The following FHAD1 variants were observed in gnomAD, a reference collection of about 807,000 sequenced individuals.
FHAD1 encodes the protein forkhead associated phosphopeptide binding domain 1.
A neutral mutation model predicts 191.3 loss-of-function variants in FHAD1; 146 were observed. The ratio of observed to expected loss-of-function variants is 0.76; its 90% CI spans 0.67 to 0.88. The LOEUF (loss-of-function observed/expected upper bound fraction) is 0.88. Ranked by LOEUF, FHAD1 falls within the 40% of genes least tolerant of loss-of-function variation. The pLI, the probability that FHAD1 is intolerant of heterozygous loss-of-function variation, is 0.00. For synonymous variants in FHAD1, 616 were observed against 672.3 expected (o/e 0.92, Z 1.29); for missense variants, 1,635 against 1,785.8 (o/e 0.92, Z 1.52).
chr1:15,375,464 C>A, intron 27 of FHAD1, 139 bp from the exon 28 acceptor site: 2 of 777,284 alleles, frequency 2.6e-6, no homozygotes, highest in Non-Finnish European at 3.9e-6. Context: ...CTCTCTAGGA[C>A]TGTGTCCTCA....
chr1:15,331,890 A>G (rs962543466), intron 14 of FHAD1, among the ~76,000 whole-genome samples: 4 of 152,214 alleles, frequency 2.6e-5, no homozygotes, highest in African/African-American at 9.6e-5. Context: ...CATGACCTAC[A>G]TGAAAGTAAC....
chr1:15,269,737 C>T (rs1655084741), intron 2 of FHAD1, among the ~76,000 whole-genome samples: 1 of 152,146 alleles, frequency 6.6e-6, no homozygotes, highest in Admixed American at 6.5e-5. Flanking sequence ...GCTGGCTCTG[C>T]TAATTACTGA....
intron 2 of FHAD1, among the ~76,000 whole-genome samples, chr1:15,254,725 T>G (rs1647227025): frequency 6.6e-6 from 1 of 152,224 alleles, no homozygotes; most frequent in Non-Finnish European, 1.5e-5. Flanking sequence ...AAGCATGAGC[T>G]TACACTGGCT....
At chr1:15,241,451 C>T (rs1385130200) in intron 1 of FHAD1, among the ~76,000 whole-genome samples, 2 of 152,012 alleles carry the variant, frequency 1.3e-5, no homozygotes, top group Admixed American at 6.6e-5. Flanking sequence ...GTCAGGAGTT[C>T]GACTTCCGGA....
intron 7 of FHAD1, among the ~76,000 whole-genome samples, chr1:15,309,882 G>A (rs988844954): frequency 2.0e-5 from 3 of 152,122 alleles, no homozygotes; most frequent in Non-Finnish European, 4.4e-5. Flanking sequence ...GAGCACAGGT[G>A]CAAAGGCCCC....
chr1:15,374,341 A>G (rs1038324629), intron 26 of FHAD1, among the ~76,000 whole-genome samples, 161 bp from the exon 27 acceptor site: 5 of 152,212 alleles, frequency 3.3e-5, no homozygotes, highest in African/African-American at 1.2e-4. Context: ...GATATTTGAG[A>G]TGAAAAATGT....
rs919899979 is a variant in FHAD1, at chr1:15,311,379, C to A, written c.1040-1678C>A. On this transcript the variant is annotated intron_variant, in intron 7 of 33. Coordinates refer to ENST00000688493, the MANE Select transcript of FHAD1 (RefSeq NM_001391957.1). The surrounding 1 kb of genome is among the most constrained non-coding windows in gnomAD (Gnocchi z 4.1). ...GCAGAGGGAACCATCTCGAAGCCCACGTAGGCCTGAGAGTAGCTCACTTTC... is the reference window on the plus strand; with the variant it reads ...GCAGAGGGAACCATCTCGAAGCCCAAGTAGGCCTGAGAGTAGCTCACTTTC... 5.9e-5 allele frequency among the ~76,000 whole-genome samples: 9 copies of A among 152,176 alleles called. No homozygotes were observed. Among genetic ancestry groups the A allele is most frequent in the Non-Finnish European group, 1.3e-4 (9 of 68,032 alleles).
At chr1:15,321,654 A>T (rs1038319085) in intron 10 of FHAD1, among the ~76,000 whole-genome samples, 1 of 152,252 alleles carries the variant, frequency 6.6e-6, no homozygotes, top group African/African-American at 2.4e-5. Flanking sequence ...ATCCATCTAG[A>T]TCATTTTTCT....
intron 26 of FHAD1, among the ~76,000 whole-genome samples, chr1:15,371,601 A>G (rs1698112281): frequency 6.6e-6 from 1 of 152,210 alleles, no homozygotes; most frequent in South Asian, 2.1e-4. Flanking sequence ...GCCTTAATGC[A>G]TGGCTACCCC....
intron 26 of FHAD1, among the ~76,000 whole-genome samples, chr1:15,374,266 G>T (rs1047109338): frequency 1.3e-5 from 2 of 152,186 alleles, no homozygotes; most frequent in African/African-American, 4.8e-5. Flanking sequence ...GAGAGGGAAC[G>T]TGGAGGGGCT....
intron 1 of FHAD1, among the ~76,000 whole-genome samples, chr1:15,241,682 A>C (rs2100553620): frequency 6.6e-6 from 1 of 150,684 alleles, no homozygotes; most frequent in South Asian, 2.1e-4. Flanking sequence ...AACAAACAAA[A>C]AAAACCCAGA....
intron 16 of FHAD1, 22 bp from the exon 17 acceptor site, chr1:15,345,061 A>C: frequency 6.5e-7 from 1 of 1,537,582 alleles, no homozygotes; most frequent in Non-Finnish European, 8.8e-7. Context: ...ATGTCTGTTA[A>C]ACAATGGTCA....
Position 15,313,086 on chromosome 1 carries a change from T to G in FHAD1, c.1069T>G (p.Leu357Val). 6.4e-7 allele frequency: 1 copy of G among 1,551,678 alleles called. No homozygotes were observed. The highest frequency in any genetic ancestry group is 8.7e-7 in the Non-Finnish European group (1 of 1,146,982). The change falls in exon 8 of 34, where the codon TTA becomes GTA. Residue 357 changes from leucine to valine, a missense_variant. Leu to Val is a conservative substitution (Grantham distance 32). Coordinates refer to ENST00000688493, the MANE Select transcript of FHAD1 (RefSeq NM_001391957.1). ...GGTGTCATCTTTGCAAAAAGACATA[T>G]TAGCAAAGGATGAGCAAGTTCAACA... ...GMVSSLQKDI[L>V]AKDEQVQQLK...
Position 15,360,634 on chromosome 1 carries a change from C to A in FHAD1, c.2893C>A (p.Leu965Ile). ...GACAATTGTGAGCCTCGAAGAGAAA[C>A]TCCAGAAAGTCACTCAGCACCATAA... ...AQTIVSLEEK[L>I]QKVTQHHKKI... is the part of the protein sequence containing the mutation. The change falls in exon 22 of 34, where the codon CTC becomes ATC. Residue 965 changes from leucine (L) to isoleucine (I), a missense_variant. Physicochemically the swap from Leu to Ile is conservative, Grantham distance 5 (BLOSUM62 2). Transcript: ENST00000688493. 6.4e-7 allele frequency: 1 copy of A among 1,551,974 alleles called. No individual in the cohort carries two copies.
At chr1:15,288,092 A>G (rs546221206) in intron 3 of FHAD1, among the ~76,000 whole-genome samples, 1 of 151,248 alleles carries the variant, frequency 6.6e-6, no homozygotes, top group Admixed American at 6.5e-5. Flanking sequence ...GAGAGAGAGA[A>G]GAAGGAGAGG....
chr1:15,396,343 T>G (rs1465984300), intron 33 of FHAD1, among the ~76,000 whole-genome samples: 2 of 145,862 alleles, frequency 1.4e-5, no homozygotes, highest in Non-Finnish European at 3.0e-5. Flanking sequence ...AAAGAAAAAA[T>G]AGAGAAAAGG....
intron 18 of FHAD1, among the ~76,000 whole-genome samples, chr1:15,348,021 T>C (rs1184238814): frequency 6.6e-6 from 1 of 152,162 alleles, no homozygotes; most frequent in Non-Finnish European, 1.5e-5. Flanking sequence ...GAGCCAACCC[T>C]AAGTCCCTAG....
intron 6 of FHAD1, among the ~76,000 whole-genome samples, chr1:15,303,140 C>T (rs1210445912): frequency 6.6e-6 from 1 of 152,196 alleles, no homozygotes; most frequent in Non-Finnish European, 1.5e-5. Flanking sequence ...TGACCTGATC[C>T]TTGTCTTCTT....
chr1:15,245,940 G>A (rs117854897), upstream of FHAD1, among the ~76,000 whole-genome samples: 141 of 152,300 alleles, frequency 9.3e-4, 3 homozygotes, highest in East Asian at 0.025. Flanking sequence ...TTCTCTCTCA[G>A]ATCCTCTTCC....
Sources: gnomAD v4.1 joint callset for allele counts (sites outside exome capture counted in the v4.1 genomes callset) on GRCh38, gnomAD v4.1.1 for gene constraint, Gnocchi (gnomAD v3.1) non-coding constraint, MANE v1.5 for transcripts, NCBI Gene and HGNC (gene_info 2026-07-23, HGNC 2026-07-21) for gene names.